The following PCDH7 variants were observed in gnomAD, a reference collection of about 807,000 sequenced individuals.
PCDH7 encodes protocadherin-7.
Under a neutral mutation model 58.9 loss-of-function variants are expected in PCDH7, and 17 were observed. That is an observed-to-expected ratio of 0.29 (90% confidence interval 0.20 to 0.43). The LOEUF is 0.43. Ranked by LOEUF, PCDH7 falls within the 20% of genes least tolerant of loss-of-function variation. The probability of loss-of-function intolerance (pLI) is 1.00; values close to 1 mark genes in which losing one functional copy is unlikely to be tolerated. For missense variants in PCDH7, 1,274 were observed against 1,441.0 expected (o/e 0.88, Z 1.88); for synonymous variants, 664 against 616.4 (o/e 1.08, Z -1.14).
chr4:31,053,618 T>G (rs1756926839), intron 3 of PCDH7, among the ~76,000 whole-genome samples: 1 of 152,116 alleles, frequency 6.6e-6, no homozygotes, highest in South Asian at 2.1e-4. Flanking sequence ...TTCTTTATCT[T>G]CTGCTGAGTC....
intron 1 of PCDH7, among the ~76,000 whole-genome samples, chr4:30,802,439 G>A (rs940319725): frequency 6.6e-6 from 1 of 152,002 alleles, no homozygotes; most frequent in Non-Finnish European, 1.5e-5. Context: ...GGAAAATTTG[G>A]TAGGTTTGTG....
At chr4:30,904,475 C>T (rs1426965513) in intron 1 of PCDH7, among the ~76,000 whole-genome samples, 15 of 152,162 alleles carry the variant, frequency 9.9e-5, no homozygotes, top group Non-Finnish European at 4.4e-5. Context: ...CCAGATGATT[C>T]AATAGACAAT....
At chr4:30,889,137 C>CA (rs371917620) in intron 1 of PCDH7, among the ~76,000 whole-genome samples, 2,388 of 49,286 alleles carry the variant, frequency 0.048, 52 homozygotes, top group Non-Finnish European at 0.055. Context: ...GCAGATATCT[C>CA]AAAAAAAAAA....
chr4:30,785,594 CAG>C (rs546520022), intron 1 of PCDH7, among the ~76,000 whole-genome samples: 79 of 152,072 alleles, frequency 5.2e-4, no homozygotes, highest in African/African-American at 1.8e-3. Context: ...AATATACTGT[CAG>C]AGCATTTTAA....
intron 1 of PCDH7, among the ~76,000 whole-genome samples, chr4:30,858,888 C>T (rs145252312): frequency 6.6e-6 from 1 of 152,044 alleles, no homozygotes; most frequent in Admixed American, 6.6e-5. Context: ...ATTATTCTAA[C>T]ATGCCACATG....
At chr4:31,015,368 G>C (rs7696101) in intron 3 of PCDH7, among the ~76,000 whole-genome samples, 24 of 151,880 alleles carry the variant, frequency 1.6e-4, no homozygotes, top group Non-Finnish European at 1.8e-4. Context: ...GAAATCCCAC[G>C]TGATGATTCC....
At chr4:31,074,491 A>G (rs1758807655) in intron 3 of PCDH7, among the ~76,000 whole-genome samples, 2 of 151,982 alleles carry the variant, frequency 1.3e-5, no homozygotes. Flanking sequence ...TGTTTGGTTA[A>G]AAGTTTCATT....
At chr4:30,915,134 A>C (rs1346924099) in intron 1 of PCDH7, among the ~76,000 whole-genome samples, 2 of 152,174 alleles carry the variant, frequency 1.3e-5, no homozygotes, top group African/African-American at 4.8e-5. Flanking sequence ...TTTTAAAGCA[A>C]AACTTCTTCA....
At chr4:31,134,189 C>T (rs746765419) in intron 3 of PCDH7, among the ~76,000 whole-genome samples, 13 of 152,190 alleles carry the variant, frequency 8.5e-5, no homozygotes, top group South Asian at 4.2e-4. Context: ...GGGCCAGGCA[C>T]GGTGGCTCAT....
chr4:31,000,676 T>G (rs1242394904), intron 3 of PCDH7, among the ~76,000 whole-genome samples: 2 of 152,096 alleles, frequency 1.3e-5, no homozygotes, highest in African/African-American at 4.8e-5. Context: ...CAATTCTCCT[T>G]GCCTTTCTTC....
intron 1 of PCDH7, chr4:30,725,205 A>T (rs1714440221): frequency 2.0e-6 from 2 of 997,888 alleles, no homozygotes; most frequent in Non-Finnish European, 2.4e-6. Context: ...CTCCACTTTC[A>T]ATCTTTTATA....
At chr4:30,869,969 C>A (rs9666179) in intron 1 of PCDH7, among the ~76,000 whole-genome samples, 3 of 152,014 alleles carry the variant, frequency 2.0e-5, no homozygotes, top group Middle Eastern at 3.4e-3. Context: ...TTTTAACGAT[C>A]GCCATTCTAA....
Position 30,765,125 on chromosome 4 carries a change from CTTTTTTTTTT to C in PCDH7, c.70+40546_70+40555del, listed in dbSNP as rs10692198. Among the ~76,000 whole-genome samples the C allele has an allele frequency of 1.2e-4, 6 of 49,214 alleles. 1 individual carries two copies. The highest frequency in any genetic ancestry group is 3.0e-4 in the African/African-American group (4 of 13,270). 32.3% of individuals were successfully genotyped at this position (49,214 alleles called of 152,430 possible). ...GGAAAGAGAGATAGGACTTCAGATG[CTTTTTTTTTT>C]TTTTTTTTTTTTTTTTAAGAAGGAA... On this transcript the variant is annotated intron_variant, in intron 1 of 3. Coordinates refer to the PCDH7 transcript ENST00000509759.
Position 30,723,747 on chromosome 4 carries a change from C to G in PCDH7, c.2325C>G (p.Ile775Met). ...TGGCAACAGACAGTGATGATGGCAT[C>G]AATGCAGACCTGAACTACAGCATTG... Residue 775 changes from isoleucine (I) to methionine (M), a missense_variant, in exon 1 of 2, where the codon ATC (isoleucine) becomes ATG (methionine). Coordinates refer to ENST00000361762, the Ensembl canonical transcript of PCDH7. The surrounding 1 kb of genome is among the most constrained non-coding windows in gnomAD (Gnocchi z 4.6). 6.2e-7 allele frequency: 1 copy of G among 1,614,160 alleles called. No homozygotes were observed. The highest frequency in any genetic ancestry group is 8.5e-7 in the Non-Finnish European group (1 of 1,180,022).
At chr4:30,847,190 T>A (rs1732087871) in intron 1 of PCDH7, among the ~76,000 whole-genome samples, 1 of 152,142 alleles carries the variant, frequency 6.6e-6, no homozygotes, top group African/African-American at 2.4e-5. Context: ...TTATTCATAA[T>A]TTATAATGCT....
intron 1 of PCDH7, among the ~76,000 whole-genome samples, chr4:30,874,615 C>T (rs1173502130): frequency 6.6e-6 from 1 of 151,294 alleles, no homozygotes; most frequent in Non-Finnish European, 1.5e-5. Flanking sequence ...GGCTGCAGCA[C>T]ACCAGCATGG....
downstream of PCDH7, among the ~76,000 whole-genome samples, chr4:30,736,172 T>G (rs375368675): frequency 6.6e-6 from 1 of 152,154 alleles, no homozygotes; most frequent in Non-Finnish European, 1.5e-5. Context: ...AAGCTGAGAC[T>G]TAAAGAGGAT....
chr4:30,953,946 G>A (rs945167814), intron 3 of PCDH7, among the ~76,000 whole-genome samples: 2 of 151,958 alleles, frequency 1.3e-5, no homozygotes, highest in Non-Finnish European at 2.9e-5. Context: ...TGATAATATG[G>A]TCTCATATAT....
chr4:31,093,696 G>C (rs546939047), intron 3 of PCDH7, among the ~76,000 whole-genome samples: 1 of 152,158 alleles, frequency 6.6e-6, no homozygotes, highest in Non-Finnish European at 1.5e-5. Context: ...TACATTGCAA[G>C]TCATCTTTGG....
Sources: allele counts gnomAD v4.1 joint callset (sites outside exome capture counted in the v4.1 genomes callset), GRCh38; gene constraint gnomAD v4.1.1; non-coding constraint Gnocchi (gnomAD v3.1); transcripts MANE v1.5; gene names NCBI Gene and HGNC (gene_info 2026-07-23, HGNC 2026-07-21).